Variants in RARB observed in about 807,000 individuals in gnomAD.
RARB encodes the protein retinoic acid receptor beta, also known as HBV-activated protein.
RARB carries 17 observed loss-of-function variants against 51.9 expected under a neutral mutation model. The ratio of observed to expected loss-of-function variants is 0.33; its 90% CI spans 0.22 to 0.49. The LOEUF (loss-of-function observed/expected upper bound fraction) is 0.49. Among genes scored for constraint, RARB ranks in the 20% least tolerant of loss-of-function variants. RARB has a pLI of 0.99. For missense variants in RARB, 369 were observed against 550.8 expected (o/e 0.67, Z 3.30); for synonymous variants, 215 against 195.4 (o/e 1.10, Z -0.84).
intron 5 of RARB, among the ~76,000 whole-genome samples, chr3:25,335,539 C>T (rs1705038453): frequency 6.6e-6 from 1 of 152,204 alleles, no homozygotes; most frequent in South Asian, 2.1e-4. Flanking sequence ...ATTACCTTCT[C>T]TTGGCTTCCC....
intron 5 of RARB, among the ~76,000 whole-genome samples, chr3:25,222,464 C>T (rs539453256): frequency 1.3e-5 from 2 of 151,966 alleles, no homozygotes; most frequent in South Asian, 2.1e-4. Context: ...TGTCAAAGTG[C>T]TTGTGGATTT....
chr3:25,026,464 C>T (rs1180428387), intron 2 of RARB, among the ~76,000 whole-genome samples: 1 of 152,150 alleles, frequency 6.6e-6, no homozygotes, highest in African/African-American at 2.4e-5. Context: ...TTGCCATGTG[C>T]TCACGTGGTC....
chr3:25,555,598 A>C (rs752821281), intron 3 of RARB: 4 of 152,194 alleles, frequency 2.6e-5, no homozygotes, highest in Admixed American at 6.5e-5. Flanking sequence ...CAAATATTTG[A>C]AAATGAATGA....
At chr3:25,531,978 T>G (rs1698947524) in intron 3 of RARB, among the ~76,000 whole-genome samples, 1 of 149,148 alleles carries the variant, frequency 6.7e-6, no homozygotes, top group Non-Finnish European at 1.5e-5. Context: ...TTCAATACAG[T>G]CTGATAGGTG....
intron 2 of RARB, among the ~76,000 whole-genome samples, chr3:25,036,729 T>C (rs563373329): frequency 6.6e-6 from 1 of 152,096 alleles, no homozygotes; most frequent in Non-Finnish European, 1.5e-5. Context: ...CGGAGAGCAA[T>C]GGTCTGGTTA....
At chr3:25,375,642 G>T (rs1171505786) in intron 5 of RARB, among the ~76,000 whole-genome samples, 1 of 152,102 alleles carries the variant, frequency 6.6e-6, no homozygotes, top group Non-Finnish European at 1.5e-5. Flanking sequence ...ATTCTTGAGG[G>T]GTCTACGTTT....
chr3:25,582,484 T>C (rs868111469), intron 5 of RARB, among the ~76,000 whole-genome samples: 1 of 151,970 alleles, frequency 6.6e-6, no homozygotes, highest in African/African-American at 2.4e-5. Context: ...GCTTGTTTCT[T>C]AATCCTTCTT....
chr3:25,546,214 C>T (rs1257067654), intron 3 of RARB, among the ~76,000 whole-genome samples: 4 of 152,054 alleles, frequency 2.6e-5, no homozygotes, highest in Non-Finnish European at 5.9e-5. Flanking sequence ...AGGAAGAGAT[C>T]CTGTTCACAT....
chr3:25,548,785 T>G (rs1699726819), intron 3 of RARB, among the ~76,000 whole-genome samples: 1 of 152,210 alleles, frequency 6.6e-6, no homozygotes, highest in African/African-American at 2.4e-5. Flanking sequence ...TTTCTTCCCA[T>G]TTTTTATATA....
rs1199167325 is a variant in RARB at position 25,562,869 on chromosome 3, C to A, written c.449-6889C>A. Among the ~76,000 whole-genome samples the A allele has an allele frequency of 3.9e-5, 6 of 152,260 alleles. No homozygotes were observed. In the East Asian group the frequency reaches 1.2e-3, roughly 29 times the overall value. On this transcript the variant is annotated intron_variant, in intron 3 of 7. Transcript: ENST00000330688. ...TAAAATCTGCATATCAAAAAGTAAC[C>A]AGTGAGGGAAATATGATTAAATTTG...
At chr3:25,287,305 A>G (rs1172780945) in intron 5 of RARB, among the ~76,000 whole-genome samples, 1 of 151,844 alleles carries the variant, frequency 6.6e-6, no homozygotes. Context: ...TTTCCCTTAC[A>G]CTCTGCATTC....
intron 5 of RARB, among the ~76,000 whole-genome samples, chr3:25,378,913 G>T (rs747789715): frequency 2.6e-5 from 4 of 152,114 alleles, no homozygotes; most frequent in Non-Finnish European, 5.9e-5. Context: ...CAGACAAAAG[G>T]GATCAATGAG....
intron 2 of RARB, among the ~76,000 whole-genome samples, chr3:25,004,843 T>G (rs1286164540): frequency 6.6e-6 from 1 of 152,158 alleles, no homozygotes; most frequent in African/African-American, 2.4e-5. Context: ...TTTTTAAGTT[T>G]TATAAAATAA....
intron 2 of RARB, among the ~76,000 whole-genome samples, chr3:24,887,562 TAGC>T (rs1469477179): frequency 6.6e-6 from 1 of 152,208 alleles, no homozygotes; most frequent in African/African-American, 2.4e-5. Context: ...CTAAGAGACA[TAGC>T]AGCAATTGAA....
At chr3:25,588,492 T>C (rs1575545909) in intron 5 of RARB, among the ~76,000 whole-genome samples, 1 of 152,190 alleles carries the variant, frequency 6.6e-6, no homozygotes. Context: ...GCTCCAGGCA[T>C]GTGTGCTATA....
At chr3:25,184,526 G>A (rs1054051597) in intron 5 of RARB, among the ~76,000 whole-genome samples, 2 of 152,084 alleles carry the variant, frequency 1.3e-5, no homozygotes, top group South Asian at 2.1e-4. Context: ...CTAGGGGAGC[G>A]GGGAGATGCA....
rs371302741 is a variant in RARB at position 25,384,927 on chromosome 3, G to T, written c.179-76266G>T. ...CATAGCCAGCTAATAATAAAAATTT[G>T]TATAGGTGTACTGGTTCCAAATTAT... On this transcript the variant is annotated intron_variant, in intron 5 of 11. Transcript: ENST00000383772. 8.5e-5 allele frequency among the ~76,000 whole-genome samples: 13 copies of T among 152,274 alleles called. No homozygotes were observed. The Middle Eastern group carries it at 0.01, about 120-fold the overall frequency.
At chr3:24,892,041 TTG>T (rs1405034084) in intron 2 of RARB, among the ~76,000 whole-genome samples, 1 of 151,918 alleles carries the variant, frequency 6.6e-6, no homozygotes, top group African/African-American at 2.4e-5. Context: ...CCAGTTAGAC[TTG>T]TGAGGGAATA....
At chr3:24,950,968 T>C (rs1299841002) in intron 2 of RARB, among the ~76,000 whole-genome samples, 3 of 152,138 alleles carry the variant, frequency 2.0e-5, no homozygotes, top group African/African-American at 4.8e-5. Context: ...GGAGGGTTTT[T>C]CTGTGTGTCA....
Sources: allele counts gnomAD v4.1 joint callset (sites outside exome capture counted in the v4.1 genomes callset), GRCh38; gene constraint gnomAD v4.1.1; transcripts MANE v1.5; gene names NCBI Gene and HGNC (gene_info 2026-07-23, HGNC 2026-07-21).